DSCAM: variants seen among roughly 807,000 people sequenced by gnomAD.
DSCAM encodes cell adhesion molecule DSCAM.
A neutral mutation model predicts 217.7 loss-of-function variants in DSCAM; 47 were observed. The observed-to-expected ratio is 0.22, with a 90% CI of 0.17 to 0.28. DSCAM has a LOEUF of 0.28. Among genes scored for constraint, DSCAM ranks in the 10% least tolerant of loss-of-function variants. The probability of loss-of-function intolerance (pLI) is 1.00; values close to 1 mark genes in which losing one functional copy is unlikely to be tolerated. For synonymous variants in DSCAM, 1,056 were observed against 1,015.3 expected, an observed-to-expected ratio of 1.04 and a Z score of -0.76; for missense variants, 2,080 against 2,618.3, an observed-to-expected ratio of 0.79 and a Z score of 4.49.
intron 2 of DSCAM, among the ~76,000 whole-genome samples, chr21:40,697,848 GGAT>G (rs1225773390): frequency 6.6e-6 from 1 of 152,098 alleles, no homozygotes; most frequent in African/African-American, 2.4e-5. Flanking sequence ...ACAAAGTTAA[GGAT>G]TTTTTTTTCT....
chr21:40,759,824 C>T (rs997106880), intron 1 of DSCAM, among the ~76,000 whole-genome samples: 14 of 152,294 alleles, frequency 9.2e-5, no homozygotes, highest in African/African-American at 3.4e-4. Context: ...TCCTCACTGC[C>T]GCCTTCTATC....
At position 40,537,264 on chromosome 21, in the gene DSCAM, T is replaced by C. The variant is rs142820172; in HGVS notation, c.508+155546A>G. 2.9e-4 allele frequency among the ~76,000 whole-genome samples: 44 copies of C among 152,278 alleles called. 1 individual carries two copies. The East Asian group carries it at 8.1e-3, about 28-fold the overall frequency. ...ATATCACTCAGTATAATTTATTCAA[T>C]ATGTGGTGAGGAAGGGAGGTAGGTC... is the stretch of plus-strand genomic sequence containing the variant. On this transcript the variant is annotated intron_variant, in intron 3 of 32. Transcript: ENST00000400454.
intron 10 of DSCAM, among the ~76,000 whole-genome samples, chr21:40,295,820 C>A (rs1350636529): frequency 6.6e-6 from 1 of 152,186 alleles, no homozygotes; most frequent in Non-Finnish European, 1.5e-5. Flanking sequence ...AAAAGACTTC[C>A]ATCCCTCTGT....
chr21:40,421,384 A>G, intron 3 of DSCAM, among the ~76,000 whole-genome samples: 1 of 152,244 alleles, frequency 6.6e-6, no homozygotes, highest in Non-Finnish European at 1.5e-5. Context: ...GTCATAGGCA[A>G]GGGGAACCCA....
chr21:40,486,577 T>C (rs2076030498), intron 3 of DSCAM, among the ~76,000 whole-genome samples: 1 of 150,428 alleles, frequency 6.6e-6, no homozygotes, highest in Non-Finnish European at 1.5e-5. Context: ...CCTCAGGGGG[T>C]CTGGGGTTGT....
rs1445270772 is a variant in DSCAM at position 40,175,770 on chromosome 21, AACACACACAT to A, written c.2947+3147_2947+3156del. On this transcript the variant is annotated intron_variant, in intron 15 of 32. Transcript: ENST00000400454. ...GGTTTAATCCAGCATATATTTTCTCAACACACACATACACACACACACACACACACACACA... is the reference window on the plus strand; with the variant it reads ...GGTTTAATCCAGCATATATTTTCTCAACACACACACACACACACACACACA... 7.7e-3 allele frequency among the ~76,000 whole-genome samples: 970 copies of A among 126,428 alleles called. 17 individuals are homozygous for A. Among genetic ancestry groups the A allele is most frequent in the African/African-American group, 0.029 (930 of 31,626 alleles). 82.9% of individuals were successfully genotyped at this position (126,428 alleles called of 152,430 possible). A position where few individuals can be genotyped will look rare whatever the true frequency, so the allele number is the denominator to read the frequency against.
At chr21:40,586,877 GCTGGA>G (rs1226352671) in intron 3 of DSCAM, among the ~76,000 whole-genome samples, 6 of 152,122 alleles carry the variant, frequency 3.9e-5, no homozygotes, top group African/African-American at 1.4e-4. Flanking sequence ...ACAGAAGAAG[GCTGGA>G]CTCTAAGTGG....
intron 3 of DSCAM, among the ~76,000 whole-genome samples, chr21:40,379,295 G>A (rs1457551189): frequency 6.6e-6 from 1 of 152,164 alleles, no homozygotes; most frequent in Non-Finnish European, 1.5e-5. Flanking sequence ...ATGTATTTTG[G>A]AAAAAGATGT....
rs267606128 is a variant in DSCAM at position 40,276,142 on chromosome 21, C to T, written c.2311G>A (p.Asp771Asn). ...GACTTGCTGACGTCTGCGCCCACAT[C>T]GTTGCTGACCTTGCAGAGGTAGTAG... ...SGYYLCKVSN[D>N]VGADVSKSMY... is the part of the protein sequence containing the mutation. The change falls in exon 11 of 33, where the codon GAT becomes AAT. Residue 771 changes from aspartate (D) to asparagine (N), a missense_variant. Physicochemically the swap from Asp to Asn is conservative, Grantham distance 23. Coordinates refer to ENST00000400454, the MANE Select transcript of DSCAM (RefSeq NM_001389.5). The T allele has an allele frequency of 1.2e-6, 2 of 1,610,642 alleles. No individual in the cohort carries two copies. The highest frequency in any genetic ancestry group is 1.1e-5 in the South Asian group (1 of 90,550).
intron 3 of DSCAM, among the ~76,000 whole-genome samples, chr21:40,468,911 A>G (rs191035347): frequency 6.6e-6 from 1 of 152,146 alleles, no homozygotes; most frequent in African/African-American, 2.4e-5. Context: ...AGAAAGGTGG[A>G]AAGAGTAGGA....
chr21:40,476,044 C>A (rs549621691), intron 3 of DSCAM, among the ~76,000 whole-genome samples: 2 of 152,160 alleles, frequency 1.3e-5, no homozygotes, highest in African/African-American at 2.4e-5. Flanking sequence ...CCATGCTGTA[C>A]TAACCACCTC....
chr21:40,418,270 G>A (rs1009071866), intron 3 of DSCAM, among the ~76,000 whole-genome samples: 3 of 152,120 alleles, frequency 2.0e-5, no homozygotes, highest in Admixed American at 1.3e-4. Flanking sequence ...AGTAAGGCTG[G>A]CCAGAGGAAA....
chr21:40,520,514 T>C (rs919440319), intron 3 of DSCAM, among the ~76,000 whole-genome samples: 3 of 151,952 alleles, frequency 2.0e-5, no homozygotes, highest in Admixed American at 6.6e-5. Context: ...GGATGAAAAG[T>C]TATGTAGTGT....
chr21:40,639,062 A>G (rs1370259142), intron 3 of DSCAM, among the ~76,000 whole-genome samples: 1 of 143,868 alleles, frequency 7.0e-6, no homozygotes, highest in Admixed American at 7.4e-5. Context: ...TCATAGACCC[A>G]TAAATATCCT....
intron 22 of DSCAM, among the ~76,000 whole-genome samples, chr21:40,086,576 C>T (rs749647291): frequency 1.3e-5 from 2 of 152,178 alleles, no homozygotes; most frequent in Non-Finnish European, 2.9e-5. Context: ...CGACCCTTAA[C>T]TTATATCCTA....
chr21:40,162,490 C>G (rs1327432042), intron 16 of DSCAM, among the ~76,000 whole-genome samples: 1 of 152,132 alleles, frequency 6.6e-6, no homozygotes, highest in Non-Finnish European at 1.5e-5. Context: ...CTACGGAGGT[C>G]ACTGGAAATA....
At chr21:40,112,095 C>T (rs1234437952) in intron 20 of DSCAM, among the ~76,000 whole-genome samples, 1 of 149,700 alleles carries the variant, frequency 6.7e-6, no homozygotes, top group Non-Finnish European at 1.5e-5. Flanking sequence ...CTCTCCACCC[C>T]AAATCAACAG....
chr21:40,041,656 A>G (rs1467599802), intron 32 of DSCAM, among the ~76,000 whole-genome samples: 1 of 152,118 alleles, frequency 6.6e-6, no homozygotes, highest in Non-Finnish European at 1.5e-5. Context: ...CAAAATTTGC[A>G]GCTTTCACAA....
chr21:40,800,483 G>A (rs1468412278), intron 1 of DSCAM, among the ~76,000 whole-genome samples: 1 of 152,132 alleles, frequency 6.6e-6, no homozygotes, highest in Non-Finnish European at 1.5e-5. Context: ...TTAAATGGTG[G>A]TGACCAGAAT....
Sources: gnomAD v4.1 joint callset for allele counts (sites outside exome capture counted in the v4.1 genomes callset) on GRCh38, gnomAD v4.1.1 for gene constraint, MANE v1.5 for transcripts, NCBI Gene and HGNC (gene_info 2026-07-23, HGNC 2026-07-21) for gene names.